CGRRF1: variants seen among roughly 807,000 people sequenced by gnomAD.
The protein encoded by CGRRF1 is cell growth regulator with ring finger domain 1.
In CGRRF1, 32 loss-of-function variants were observed where a neutral mutation model predicts 37.2. That is an observed-to-expected ratio of 0.86 (90% CI 0.65 to 1.16). The LOEUF (loss-of-function observed/expected upper bound fraction) is 1.16, where lower values mean the gene tolerates loss of function less well. Ranked by LOEUF, CGRRF1 falls within the 50% of genes most tolerant of loss-of-function variation. CGRRF1 has a pLI of 0.00. For missense variants in CGRRF1, 391 were observed against 382.6 expected, an observed-to-expected ratio of 1.02 and a Z score of -0.18; for synonymous variants, 141 against 140.3, an observed-to-expected ratio of 1.00 and a Z score of -0.04.
At chr14:54,523,281 T>G (rs1278951509) in intron 2 of CGRRF1, 1 of 154,190 alleles carries the variant, frequency 6.5e-6, no homozygotes, top group African/African-American at 2.4e-5. Context: ...ATGATTGTCA[T>G]TTAATCTGAA....
chr14:54,534,038 A>G (rs1252696432), intron 4 of CGRRF1, among the ~76,000 whole-genome samples: 7 of 152,198 alleles, frequency 4.6e-5, no homozygotes, highest in South Asian at 2.1e-4. Context: ...CATTTTTTCC[A>G]TATCAAATAT....
In CGRRF1 at chr14:54,539,114, A is replaced by C. The variant is rs892476234; in HGVS notation, c.*731A>C. 6.6e-6 allele frequency: 1 copy of C among 152,210 alleles called. No individual in the cohort carries two copies. The highest frequency in any genetic ancestry group is 1.5e-5 in the Non-Finnish European group (1 of 68,036). The allele number at this position is 152,210 out of a possible 1,614,324, so 9.4% of individuals were successfully genotyped here. On this transcript the variant is annotated 3_prime_UTR_variant, in exon 6 of 6. Transcript: ENST00000216420. ...GATTAGCAGAATGTGATCTCCAGGG[A>C]AGATCTGTGAGACCTTTAATGCCTT...
intron 2 of CGRRF1, among the ~76,000 whole-genome samples, chr14:54,527,739 T>G (rs1320127813): frequency 6.6e-6 from 1 of 151,838 alleles, no homozygotes; most frequent in Non-Finnish European, 1.5e-5. Flanking sequence ...TTTAAAAGGC[T>G]TATCCTTCCA....
At chr14:54,514,558 T>C (rs559113737) in intron 1 of CGRRF1, among the ~76,000 whole-genome samples, 1 of 152,358 alleles carries the variant, frequency 6.6e-6, no homozygotes, top group Admixed American at 6.5e-5. Flanking sequence ...TTAATCCCAG[T>C]ACTCAATAGT....
chr14:54,516,166 T>C (rs1429903378), intron 1 of CGRRF1, among the ~76,000 whole-genome samples: 1 of 152,204 alleles, frequency 6.6e-6, no homozygotes, highest in Non-Finnish European at 1.5e-5. Context: ...CTCTAACTTA[T>C]CACCATCTAC....
At position 54,522,239 on chromosome 14, in the gene CGRRF1, C is replaced by T. The variant is rs117038539; in HGVS notation, c.105-215C>T. Among the ~76,000 whole-genome samples the T allele has an allele frequency of 5.8e-3, 876 of 152,248 alleles. 7 individuals carry two copies. The highest frequency in any genetic ancestry group is 0.041 in the Middle Eastern group (12 of 292). ...ATTGTTATTTTTTATTCTTCCCCCT[C>T]GTCCCCAAATATTTTTGATGTGCAC... is the stretch of plus-strand genomic sequence containing the variant. On this transcript the variant is annotated intron_variant, in intron 1 of 5. Transcript: ENST00000216420.
chr14:54,515,544 C>G (rs769235823), intron 1 of CGRRF1, among the ~76,000 whole-genome samples: 4 of 152,064 alleles, frequency 2.6e-5, no homozygotes, highest in South Asian at 2.1e-4. Flanking sequence ...GTGGATTTAT[C>G]TATTTCTCTT....
chr14:54,538,175 T>C lies in CGRRF1; in HGVS notation c.791T>C (p.Val264Ala). 2 of 1,614,208 alleles carry C rather than the reference T, an allele frequency of 1.2e-6. No individual in the cohort carries two copies. Among genetic ancestry groups the C allele is most frequent in the African/African-American group, 1.3e-5 (1 of 75,056 alleles). Residue 264 changes from valine (V) to alanine (A), a missense_variant, in exon 6 of 6, where the codon GTT becomes GCT. Coordinates refer to ENST00000216420, the MANE Select transcript of CGRRF1 (RefSeq NM_006568.3). The part of the protein sequence containing the change: ...LEKVGLSESE[V>A]EPSEENSKDC... Reference sequence around the variant, plus strand: ...AAGGTGGGACTCTCTGAAAGTGAAGTTGAGCCATCGGAAGAGAACAGCAAG... The same window carrying C: ...AAGGTGGGACTCTCTGAAAGTGAAGCTGAGCCATCGGAAGAGAACAGCAAG...
intron 4 of CGRRF1, among the ~76,000 whole-genome samples, chr14:54,534,797 C>T (rs1346290885): frequency 6.6e-6 from 1 of 152,182 alleles, no homozygotes; most frequent in Non-Finnish European, 1.5e-5. Flanking sequence ...TCACTGCAGC[C>T]TCAACTTCCT....
intron 1 of CGRRF1, among the ~76,000 whole-genome samples, chr14:54,520,494 C>G (rs1566508344): frequency 6.6e-6 from 1 of 152,212 alleles, no homozygotes; most frequent in Non-Finnish European, 1.5e-5. Flanking sequence ...ATCTATACAG[C>G]TTAAGCCTCT....
intron 1 of CGRRF1, 122 bp downstream of exon 1, chr14:54,510,185 C>G (rs2032106607): frequency 1.4e-6 from 1 of 702,604 alleles, no homozygotes; most frequent in Non-Finnish European, 2.5e-6. Context: ...TTCGGTGTCC[C>G]CGGGTGCCTA....
intron 1 of CGRRF1, among the ~76,000 whole-genome samples, chr14:54,520,411 G>A (rs1008712210): frequency 6.6e-6 from 1 of 152,198 alleles, no homozygotes; most frequent in East Asian, 1.9e-4. Flanking sequence ...GGGATTACAG[G>A]TGTGAGCCAC....
Position 54,512,837 on chromosome 14 carries a change from C to G in CGRRF1, c.104+2774C>G, listed in dbSNP as rs536081702. ...CCTTTCCTCAGATCTGAGTCCTGAG[C>G]TCCATAGAGTCTCTCCTCCACATTT... On this transcript the variant is annotated intron_variant, in intron 1 of 5. Transcript: ENST00000216420. Among the ~76,000 whole-genome samples the G allele has an allele frequency of 2.0e-5, 3 of 152,308 alleles. No individual in the cohort carries two copies. In the East Asian group the frequency reaches 5.8e-4, roughly 29 times the overall value.
At chr14:54,513,393 G>C (rs1200681654) in intron 1 of CGRRF1, among the ~76,000 whole-genome samples, 1 of 152,230 alleles carries the variant, frequency 6.6e-6, no homozygotes, top group Non-Finnish European at 1.5e-5. Flanking sequence ...GGAGAAGTGA[G>C]AAGTGAGATA....
chr14:54,532,193 T>C (rs2032527411), intron 4 of CGRRF1, among the ~76,000 whole-genome samples: 1 of 152,180 alleles, frequency 6.6e-6, no homozygotes, highest in South Asian at 2.1e-4. Flanking sequence ...CAAGTGTACA[T>C]TGAGCTTTGG....
intron 1 of CGRRF1, among the ~76,000 whole-genome samples, chr14:54,515,684 A>G (rs899248611): frequency 1.3e-5 from 2 of 152,202 alleles, no homozygotes; most frequent in African/African-American, 4.8e-5. Context: ...TGATCCTGGT[A>G]ATAGTCTTTG....
chr14:54,537,083 C>A (rs540880312), intron 4 of CGRRF1: 1 of 152,146 alleles, frequency 6.6e-6, no homozygotes, highest in South Asian at 2.1e-4. Flanking sequence ...TAAAAAAACT[C>A]TTTGGTGATT....
intron 1 of CGRRF1, among the ~76,000 whole-genome samples, chr14:54,513,545 T>G (rs2032163314): frequency 6.6e-6 from 1 of 152,206 alleles, no homozygotes; most frequent in African/African-American, 2.4e-5. Flanking sequence ...ACGGAAAGAC[T>G]TGCTAAAAAT....
At chr14:54,527,125 C>T (rs1011949267) in intron 2 of CGRRF1, among the ~76,000 whole-genome samples, 3 of 152,030 alleles carry the variant, frequency 2.0e-5, no homozygotes, top group African/African-American at 4.8e-5. Flanking sequence ...CAGCTACGTC[C>T]CAATTCTGTT....
Sources: gnomAD v4.1 joint callset for allele counts (sites outside exome capture counted in the v4.1 genomes callset) on GRCh38, gnomAD v4.1.1 for gene constraint, MANE v1.5 for transcripts, NCBI Gene and HGNC (gene_info 2026-07-23, HGNC 2026-07-21) for gene names.